Variants in DGKI observed in about 807,000 individuals in gnomAD.
The protein encoded by DGKI is DAG kinase iota.
A neutral mutation model predicts 147.5 loss-of-function variants in DGKI; 55 were observed. The observed-to-expected ratio is 0.37, with a 90% CI of 0.30 to 0.47. The LOEUF is 0.47. Among genes scored for constraint, DGKI ranks in the 20% least tolerant of loss-of-function variants. The pLI, the probability that DGKI is intolerant of heterozygous loss-of-function variation, is 1.00. For missense variants in DGKI, 1,007 were observed against 1,323.8 expected (o/e 0.76, Z 3.71); for synonymous variants, 469 against 477.1 (o/e 0.98, Z 0.22).
intron 19 of DGKI, among the ~76,000 whole-genome samples, chr7:137,555,461 G>A (rs909624500): frequency 6.6e-6 from 1 of 151,972 alleles, no homozygotes; most frequent in Non-Finnish European, 1.5e-5. Context: ...AGGAGGTCAA[G>A]GCCGCAGTGA....
chr7:137,482,328 CCAGTTGCTGTCTTGAACCTGCACTCTT>C (rs1389389380), intron 23 of DGKI, among the ~76,000 whole-genome samples: 4 of 151,886 alleles, frequency 2.6e-5, no homozygotes, highest in Admixed American at 1.3e-4. Context: ...TTCTTCTTGA[CCAGTTGCTGTCTTGAACCTGCACTCTT>C]CTTGACTCAT....
intron 1 of DGKI, among the ~76,000 whole-genome samples, chr7:137,736,515 T>A (rs78910319): frequency 0.012 from 1,875 of 152,240 alleles, 52 homozygotes; most frequent in African/African-American, 0.042. Flanking sequence ...GAGAATGCAC[T>A]AAAGTGCTCA....
intron 27 of DGKI, among the ~76,000 whole-genome samples, chr7:137,449,886 T>A (rs1585125961): frequency 6.6e-6 from 1 of 152,156 alleles, no homozygotes; most frequent in South Asian, 2.1e-4. Context: ...TCAACCTAAG[T>A]GTCCATCAAC....
At chr7:137,618,932 G>A (rs988150334) in intron 8 of DGKI, among the ~76,000 whole-genome samples, 4 of 152,108 alleles carry the variant, frequency 2.6e-5, no homozygotes, top group Admixed American at 6.6e-5. Flanking sequence ...AACACAGAAA[G>A]CAAAACAGTA....
intron 13 of DGKI, among the ~76,000 whole-genome samples, chr7:137,586,214 C>T (rs1166967955): frequency 6.6e-6 from 1 of 152,032 alleles, no homozygotes; most frequent in Admixed American, 6.5e-5. Flanking sequence ...ATCACGAGGT[C>T]AGGAGTTTGA....
chr7:137,392,980 G>C (rs534205604), intron 32 of DGKI, among the ~76,000 whole-genome samples: 24 of 152,246 alleles, frequency 1.6e-4, no homozygotes, highest in Admixed American at 7.2e-4. Context: ...CATGTGGTAA[G>C]ACCTCTAGAA....
intron 10 of DGKI, among the ~76,000 whole-genome samples, chr7:137,607,489 C>G (rs1820222116): frequency 6.6e-6 from 1 of 152,176 alleles, no homozygotes; most frequent in South Asian, 2.1e-4. Context: ...TTAACTGGAT[C>G]ATCAGCTCCT....
At chr7:137,697,225 G>A (rs1823820955) in intron 1 of DGKI, among the ~76,000 whole-genome samples, 1 of 152,178 alleles carries the variant, frequency 6.6e-6, no homozygotes, top group Non-Finnish European at 1.5e-5. Flanking sequence ...TAGCATGATA[G>A]GGTTTGGCTA....
intron 23 of DGKI, among the ~76,000 whole-genome samples, chr7:137,476,200 C>A (rs1356545128): frequency 1.3e-5 from 2 of 152,206 alleles, no homozygotes; most frequent in African/African-American, 4.8e-5. Flanking sequence ...TACTCTTAGT[C>A]TTCCACCTAC....
chr7:137,381,995 TA>T lies in DGKI; in HGVS notation c.*9224del, dbSNP rs1811072454. 6.6e-6 allele frequency: 1 copy of T among 152,024 alleles called. No individual in the cohort carries two copies. The highest frequency in any genetic ancestry group is 1.5e-5 in the Non-Finnish European group (1 of 67,978). The allele number at this position is 152,024 out of a possible 1,614,324, so 9.4% of individuals were successfully genotyped here. The stretch of plus-strand genomic sequence containing the variant: ...AATGATGGGTGGGGAGAGTGGCGAA[TA>T]AAAATTCTTTGATCTCCAGAAGATC... On this transcript the variant is annotated 3_prime_UTR_variant, in exon 33 of 33. Coordinates refer to ENST00000614521, the MANE Select transcript of DGKI (RefSeq NM_001321708.2).
At chr7:137,404,805 A>G (rs527569880) in intron 30 of DGKI, among the ~76,000 whole-genome samples, 8 of 143,202 alleles carry the variant, frequency 5.6e-5, no homozygotes, top group African/African-American at 2.1e-4. Flanking sequence ...GTGTCCTTCC[A>G]TTTGGGCGGA....
chr7:137,479,089 C>A (rs897514781), intron 23 of DGKI, among the ~76,000 whole-genome samples: 2 of 152,108 alleles, frequency 1.3e-5, no homozygotes, highest in African/African-American at 4.8e-5. Flanking sequence ...ATGATCAAAT[C>A]AATGATTCAT....
chr7:137,536,306 T>C (rs1389249997), intron 20 of DGKI, among the ~76,000 whole-genome samples: 1 of 152,188 alleles, frequency 6.6e-6, no homozygotes, highest in Non-Finnish European at 1.5e-5. Flanking sequence ...TAGTAGCAAC[T>C]GTGACCTTAG....
chr7:137,598,240 C>T (rs1420063909), intron 11 of DGKI, among the ~76,000 whole-genome samples: 1 of 152,026 alleles, frequency 6.6e-6, no homozygotes, highest in Non-Finnish European at 1.5e-5. Context: ...TTTTTCTTTT[C>T]CCATCATTTC....
intron 20 of DGKI, among the ~76,000 whole-genome samples, chr7:137,547,101 A>G (rs751908674): frequency 3.9e-5 from 6 of 152,218 alleles, no homozygotes; most frequent in Non-Finnish European, 5.9e-5. Flanking sequence ...TTCTCCTTCA[A>G]TGGCACATTT....
chr7:137,395,379 T>G (rs1811511541), intron 32 of DGKI, among the ~76,000 whole-genome samples: 1 of 152,202 alleles, frequency 6.6e-6, no homozygotes, highest in Non-Finnish European at 1.5e-5. Flanking sequence ...GTTCAGAGGT[T>G]TATAAAGCCC....
intron 4 of DGKI, among the ~76,000 whole-genome samples, chr7:137,655,417 C>A (rs1822183749): frequency 6.6e-6 from 1 of 152,270 alleles, no homozygotes; most frequent in Non-Finnish European, 1.5e-5. Context: ...CCAGGATGGT[C>A]TCCATCTCCT....
intron 1 of DGKI, among the ~76,000 whole-genome samples, chr7:137,822,827 C>G (rs1281547793): frequency 6.6e-6 from 1 of 150,890 alleles, no homozygotes; most frequent in Non-Finnish European, 1.5e-5. Flanking sequence ...CCTCAGAAAA[C>G]AAGAAAGAGC....
chr7:137,810,758 T>C (rs1223415465), intron 1 of DGKI, among the ~76,000 whole-genome samples: 1 of 151,756 alleles, frequency 6.6e-6, no homozygotes, highest in Non-Finnish European at 1.5e-5. Flanking sequence ...TTTTTTTTAG[T>C]TATTTATTTG....
Sources: gnomAD v4.1 joint callset for allele counts (sites outside exome capture counted in the v4.1 genomes callset) on GRCh38, gnomAD v4.1.1 for gene constraint, MANE v1.5 for transcripts, NCBI Gene and HGNC (gene_info 2026-07-23, HGNC 2026-07-21) for gene names.